SLMAP: variants seen among roughly 807,000 people sequenced by gnomAD.
SLMAP encodes the protein sarcolemma associated protein, also known as sarcolemmal membrane-associated protein.
Under a neutral mutation model 128.8 loss-of-function variants are expected in SLMAP, and 44 were observed. That is an observed-to-expected ratio of 0.34 (90% confidence interval 0.27 to 0.44). The LOEUF (loss-of-function observed/expected upper bound fraction) is 0.44. Ranked by LOEUF, SLMAP falls within the 20% of genes least tolerant of loss-of-function variation. The pLI is 1.00. For missense variants in SLMAP, 787 were observed against 985.3 expected, an observed-to-expected ratio of 0.80 and a Z score of 2.69; for synonymous variants, 327 against 348.8, an observed-to-expected ratio of 0.94 and a Z score of 0.70.
chr3:57,871,246 A>G (rs2095473395), intron 13 of SLMAP, among the ~76,000 whole-genome samples: 1 of 152,214 alleles, frequency 6.6e-6, no homozygotes, highest in African/African-American at 2.4e-5. Flanking sequence ...CTTAACTAAG[A>G]TGAATAGCTT....
intron 15 of SLMAP, chr3:57,890,594 T>C (rs1575801040): frequency 1.3e-5 from 2 of 152,710 alleles, no homozygotes; most frequent in East Asian, 3.8e-4. Flanking sequence ...GAATGTAGAA[T>C]CTTCTTATAT....
chr3:57,786,105 A>G (rs1336817700), intron 2 of SLMAP, among the ~76,000 whole-genome samples: 1 of 152,222 alleles, frequency 6.6e-6, no homozygotes, highest in Non-Finnish European at 1.5e-5. Context: ...CTGGTGTTAA[A>G]TGATATTATA....
Position 57,757,727 on chromosome 3 carries a change from G to A in SLMAP, c.76G>A (p.Glu26Lys). The A allele has an allele frequency of 6.2e-7, 1 of 1,614,096 alleles. No individual in the cohort carries two copies. The highest frequency in any genetic ancestry group is 1.1e-5 in the South Asian group (1 of 91,072). ...TCAGGAGCGTCATGTCTACCTGGACGAGCCCATCAAAATCGGCCGCTCAGT... is the reference window on the plus strand; with the variant it reads ...TCAGGAGCGTCATGTCTACCTGGACAAGCCCATCAAAATCGGCCGCTCAGT... ...PFQERHVYLD[E>K]PIKIGRSVAR... Residue 26 changes from glutamate to lysine, a missense_variant, in exon 2 of 25, where the codon GAG becomes AAG. Transcript: ENST00000671191.
intron 9 of SLMAP, 90 bp downstream of exon 9, chr3:57,860,929 T>C (rs138183505): frequency 1.9e-6 from 2 of 1,047,378 alleles, no homozygotes; most frequent in African/African-American, 1.7e-5. Flanking sequence ...TTGGGTATTA[T>C]TATATAGTTA....
intron 19 of SLMAP, 77 bp downstream of exon 19, chr3:57,909,227 G>A: frequency 9.5e-7 from 1 of 1,053,210 alleles, no homozygotes; most frequent in Non-Finnish European, 1.4e-6. Context: ...TGGAGGCCAG[G>A]CGCAGTGGCT....
At chr3:57,870,082 C>T (rs2095445471) in intron 13 of SLMAP, among the ~76,000 whole-genome samples, 1 of 151,860 alleles carries the variant, frequency 6.6e-6, no homozygotes, top group South Asian at 2.1e-4. Context: ...GGTAGGATGT[C>T]CCTCTTTAAT....
intron 4 of SLMAP, among the ~76,000 whole-genome samples, chr3:57,846,554 A>ATTT (rs1161889766): frequency 4.4e-5 from 6 of 135,992 alleles, no homozygotes; most frequent in Admixed American, 7.4e-5. Context: ...AAAATGGATA[A>ATTT]TTTTTTTTTT....
intron 13 of SLMAP, among the ~76,000 whole-genome samples, chr3:57,871,435 G>A (rs936277408): frequency 6.6e-6 from 1 of 152,082 alleles, no homozygotes; most frequent in African/African-American, 2.4e-5. Context: ...ACCTTTAAAA[G>A]CTAACCATTC....
chr3:57,790,316 A>C (rs932327747), intron 2 of SLMAP, among the ~76,000 whole-genome samples: 8 of 152,210 alleles, frequency 5.3e-5, no homozygotes, highest in Non-Finnish European at 1.2e-4. Flanking sequence ...ACTGCTTACT[A>C]TGGGGAAGAA....
chr3:57,764,783 T>C (rs1237130254), intron 2 of SLMAP, among the ~76,000 whole-genome samples: 1 of 152,232 alleles, frequency 6.6e-6, no homozygotes, highest in Non-Finnish European at 1.5e-5. Context: ...AATTGAGATT[T>C]AAACTCAAGC....
intron 17 of SLMAP, among the ~76,000 whole-genome samples, chr3:57,904,428 A>C (rs867001163): frequency 6.6e-6 from 1 of 152,230 alleles, no homozygotes; most frequent in East Asian, 1.9e-4. Flanking sequence ...GTCTTGAAAC[A>C]AAAGAAAACA....
At chr3:57,848,452 CTTCT>C (rs1393601703) in intron 5 of SLMAP, among the ~76,000 whole-genome samples, 5 of 144,018 alleles carry the variant, frequency 3.5e-5, no homozygotes, top group Admixed American at 1.4e-4. Flanking sequence ...GTCCTTCTTC[CTTCT>C]TTCTTCTTAC....
At chr3:57,774,015 A>G (rs972929555) in intron 2 of SLMAP, among the ~76,000 whole-genome samples, 1 of 152,216 alleles carries the variant, frequency 6.6e-6, no homozygotes, top group Non-Finnish European at 1.5e-5. Context: ...TAAAAGGATT[A>G]TGATGAAAAT....
chr3:57,841,028 A>G (rs915835594), intron 3 of SLMAP, among the ~76,000 whole-genome samples: 2 of 152,180 alleles, frequency 1.3e-5, no homozygotes, highest in African/African-American at 4.8e-5. Flanking sequence ...TTATTTCCAT[A>G]TATTCAACTG....
intron 19 of SLMAP, 117 bp from the exon 20 acceptor site, chr3:57,912,264 A>C: frequency 2.4e-6 from 2 of 816,708 alleles, no homozygotes; most frequent in Admixed American, 5.1e-5. Flanking sequence ...TGGATTGTTT[A>C]TACACTTTAA....
Position 57,922,936 on chromosome 3 carries a change from A to C in SLMAP, c.2358A>C (p.Glu786Asp), listed in dbSNP as rs774601743. Residue 786 changes from glutamate (E) to aspartate (D), a missense_variant, in exon 23 of 25, where the codon GAA (glutamate) becomes GAC (aspartate). Coordinates refer to ENST00000671191, the MANE Select transcript of SLMAP (RefSeq NM_001377540.1). ...TCTCAGAACTGAAGTTGAAGTTTGA[A>C]ATGACTGAGCAGGAAAAGCAGTCAA... ...TVLSELKLKF[E>D]MTEQEKQSIT... 6 of 1,613,698 alleles carry C rather than the reference A, an allele frequency of 3.7e-6. No homozygotes were observed. The Admixed American group carries it at 1.0e-4, about 27-fold the overall frequency.
chr3:57,825,193 A>G (rs1577101237), intron 2 of SLMAP, among the ~76,000 whole-genome samples: 2 of 150,276 alleles, frequency 1.3e-5, no homozygotes, highest in South Asian at 2.1e-4. Context: ...GTGAATAAAC[A>G]TAGTTTACTT....
chr3:57,886,195 C>A (rs1398276414), intron 14 of SLMAP, among the ~76,000 whole-genome samples: 5 of 151,708 alleles, frequency 3.3e-5, no homozygotes, highest in Non-Finnish European at 2.9e-5. Flanking sequence ...CCTCTGCCAC[C>A]CAGGTTGAAG....
At chr3:57,766,902 TTC>T (rs2079848767) in intron 2 of SLMAP, among the ~76,000 whole-genome samples, 1 of 151,936 alleles carries the variant, frequency 6.6e-6, no homozygotes, top group Admixed American at 6.6e-5. Context: ...ATTTCTTTAT[TTC>T]TTTTTTTTAA....
Sources: gnomAD v4.1 joint callset for allele counts (sites outside exome capture counted in the v4.1 genomes callset) on GRCh38, gnomAD v4.1.1 for gene constraint, MANE v1.5 for transcripts, NCBI Gene and HGNC (gene_info 2026-07-23, HGNC 2026-07-21) for gene names.